ZNF215: variants seen among roughly 807,000 people sequenced by gnomAD.
ZNF215 encodes the protein BWSCR2-associated zinc finger protein 2.
Under a neutral mutation model 27.2 loss-of-function variants are expected in ZNF215, and 24 were observed. That is an observed-to-expected ratio of 0.88 (90% CI 0.64 to 1.24). The LOEUF (loss-of-function observed/expected upper bound fraction) is 1.24, where lower values mean the gene tolerates loss of function less well. Among genes scored for constraint, ZNF215 ranks in the 50% most tolerant of loss-of-function variants. The probability of loss-of-function intolerance (pLI) is 0.00; values close to 1 mark genes in which losing one functional copy is unlikely to be tolerated. For synonymous variants in ZNF215, 210 were observed against 204.0 expected (o/e 1.03, Z -0.25); for missense variants, 675 against 605.7 (o/e 1.11, Z -1.20).
downstream of ZNF215, among the ~76,000 whole-genome samples, chr11:6,989,150 C>CAAAAAAAAAAAA (rs71056776): frequency 1.3e-5 from 1 of 76,784 alleles, no homozygotes; most frequent in Non-Finnish European, 2.5e-5. Context: ...AGATCCGTCT[C>CAAAAAAAAAAAA]AAAAAAAAAA....
At chr11:6,954,116 C>T (rs547902987) in intron 6 of ZNF215, among the ~76,000 whole-genome samples, 109 of 152,248 alleles carry the variant, frequency 7.2e-4, no homozygotes, top group Non-Finnish European at 1.0e-3. Flanking sequence ...GAGGAATACC[C>T]GGCCGTGTGA....
At position 6,956,212 on chromosome 11, in the gene ZNF215, G is replaced by A. The variant is rs377277042; in HGVS notation, c.1235G>A (p.Cys412Tyr). 1.9e-6 allele frequency: 3 copies of A among 1,613,114 alleles called. No individual in the cohort carries two copies. Among genetic ancestry groups the A allele is most frequent in the African/African-American group, 2.7e-5 (2 of 74,914 alleles). ...GAGAAACCCTATAAATGCAGTGAAT[G>A]TGGGAGATTCTTCAACCGACGTACA... is the stretch of plus-strand genomic sequence containing the variant. ...TGEKPYKCSECGRFFNRRTNL... is the reference protein window; with the variant it reads ...TGEKPYKCSEYGRFFNRRTNL... Residue 412 changes from cysteine (C) to tyrosine (Y), a missense_variant, in exon 7 of 7, where the codon TGT becomes TAT. By Grantham distance (194) the Cys-to-Tyr change is radical (BLOSUM62 -2). Coordinates refer to ENST00000278319, the MANE Select transcript of ZNF215 (RefSeq NM_013250.4).
chr11:6,953,264 G>GGA (rs1850159017), intron 6 of ZNF215, among the ~76,000 whole-genome samples: 1 of 152,110 alleles, frequency 6.6e-6, no homozygotes, highest in East Asian at 1.9e-4. Flanking sequence ...TGTATTTCCT[G>GGA]AATCTGAATG....
At chr11:6,955,656 C>T (rs1281095255) in intron 6 of ZNF215, 34 bp from the exon 7 acceptor site, 2 of 1,523,938 alleles carry the variant, frequency 1.3e-6, no homozygotes, top group African/African-American at 1.4e-5. Context: ...AGCAGTTTCC[C>T]TTCTAGTTCA....
rs1850430168 is a variant in ZNF215, at chr11:6,957,932, C to T, written c.*1401C>T. 1 of 985,424 alleles carries T rather than the reference C, an allele frequency of 1.0e-6. No individual in the cohort carries two copies. Among genetic ancestry groups the T allele is most frequent in the African/African-American group, 1.7e-5 (1 of 57,358 alleles). 61.0% of individuals were successfully genotyped at this position (985,424 alleles called of 1,614,324 possible). A position where few individuals can be genotyped will look rare whatever the true frequency, so the allele number is the denominator to read the frequency against. On this transcript the variant is annotated 3_prime_UTR_variant, in exon 7 of 7. Transcript: ENST00000278319. The stretch of plus-strand genomic sequence containing the variant: ...CTTAATCTGCCCCAAAAAATTCACA[C>T]TGGAGACATTCCCAATTAATGATGA...
At chr11:6,953,767 G>A (rs759687582) in intron 6 of ZNF215, among the ~76,000 whole-genome samples, 6 of 152,226 alleles carry the variant, frequency 3.9e-5, no homozygotes, top group South Asian at 2.1e-4. Flanking sequence ...GCTTTGTTCC[G>A]TTGCTTGTGA....
chr11:6,938,506 C>T (rs1485754193), intron 3 of ZNF215, among the ~76,000 whole-genome samples: 1 of 151,812 alleles, frequency 6.6e-6, no homozygotes, highest in Admixed American at 6.6e-5. Context: ...TGGAAACAAC[C>T]CAGATGTCCA....
chr11:6,944,868 A>G (rs1849762100), intron 6 of ZNF215, among the ~76,000 whole-genome samples: 1 of 152,136 alleles, frequency 6.6e-6, no homozygotes, highest in African/African-American at 2.4e-5. Context: ...CTATTTCACT[A>G]ATTTTGAAAA....
chr11:6,952,524 A>G (rs1564960623), intron 6 of ZNF215, among the ~76,000 whole-genome samples: 1 of 152,096 alleles, frequency 6.6e-6, no homozygotes, highest in Non-Finnish European at 1.5e-5. Context: ...TTGTTGGTTT[A>G]AAGTCTGTTT....
At chr11:6,948,478 T>C (rs917547069) in intron 6 of ZNF215, among the ~76,000 whole-genome samples, 1 of 152,116 alleles carries the variant, frequency 6.6e-6, no homozygotes, top group Non-Finnish European at 1.5e-5. Context: ...TGTTTTTTTA[T>C]GGACTCCAGT....
At chr11:6,955,451 T>G (rs1420517460) in intron 6 of ZNF215, among the ~76,000 whole-genome samples, 1 of 152,226 alleles carries the variant, frequency 6.6e-6, no homozygotes, top group Admixed American at 6.5e-5. Context: ...GATATTTTAC[T>G]CGAGCCCTAT....
intron 6 of ZNF215, among the ~76,000 whole-genome samples, chr11:6,994,282 A>G (rs191870514): frequency 1.3e-5 from 2 of 152,116 alleles, no homozygotes; most frequent in East Asian, 3.9e-4. Flanking sequence ...TGTTGTGATA[A>G]GAAGCTCATA....
chr11:6,954,704 C>T (rs558835773), intron 6 of ZNF215, among the ~76,000 whole-genome samples: 11 of 152,324 alleles, frequency 7.2e-5, no homozygotes, highest in East Asian at 3.9e-4. Context: ...AGCAATGCCT[C>T]GCCCTGCTTC....
chr11:6,974,223 C>T (rs1178036578), intron 5 of ZNF215, among the ~76,000 whole-genome samples: 2 of 152,044 alleles, frequency 1.3e-5, no homozygotes, highest in African/African-American at 4.8e-5. Context: ...GGTATTATTT[C>T]TGAGGGCTCT....
chr11:6,970,966 G>A (rs1488369441), intron 5 of ZNF215, among the ~76,000 whole-genome samples: 1 of 152,094 alleles, frequency 6.6e-6, no homozygotes, highest in Non-Finnish European at 1.5e-5. Context: ...GCAAGTGATT[G>A]GTAGAACAAT....
intron 2 of ZNF215, among the ~76,000 whole-genome samples, chr11:6,928,750 A>T (rs2133132113): frequency 6.6e-6 from 1 of 151,970 alleles, no homozygotes; most frequent in East Asian, 1.9e-4. Context: ...CATTTATGTT[A>T]CTTTCAAAGT....
At chr11:6,965,503 C>G (rs1288334399) in intron 5 of ZNF215, among the ~76,000 whole-genome samples, 1 of 151,964 alleles carries the variant, frequency 6.6e-6, no homozygotes, top group Non-Finnish European at 1.5e-5. Context: ...ATCTAAAGAT[C>G]AATTTTGGGA....
At position 6,957,748 on chromosome 11, in the gene ZNF215, C is replaced by G. The variant is rs1290852300; in HGVS notation, c.*1217C>G. On this transcript the variant is annotated 3_prime_UTR_variant, in exon 7 of 7. Coordinates refer to ENST00000278319, the MANE Select transcript of ZNF215 (RefSeq NM_013250.4). ...GATGTTCAGTGCAGACTTACTGTACCTTTGGGAATTTAGGCTGGAGAGACG... is the reference window on the plus strand; with the variant it reads ...GATGTTCAGTGCAGACTTACTGTACGTTTGGGAATTTAGGCTGGAGAGACG... 1.0e-6 allele frequency: 1 copy of G among 985,232 alleles called. No homozygotes were observed. Among genetic ancestry groups the G allele is most frequent in the Non-Finnish European group, 1.2e-6 (1 of 829,908 alleles). The allele number at this position is 985,232 out of a possible 1,614,324, so 61.0% of individuals were successfully genotyped here. A position where few individuals can be genotyped will look rare whatever the true frequency, so the allele number is the denominator to read the frequency against.
downstream of ZNF215, among the ~76,000 whole-genome samples, chr11:6,986,330 A>G (rs1334869501): frequency 1.3e-5 from 2 of 152,186 alleles, no homozygotes; most frequent in African/African-American, 4.8e-5. Context: ...AGTCATATGC[A>G]AAAAAATGAA....
Sources: gnomAD v4.1 joint callset for allele counts (sites outside exome capture counted in the v4.1 genomes callset) on GRCh38, gnomAD v4.1.1 for gene constraint, MANE v1.5 for transcripts, NCBI Gene and HGNC (gene_info 2026-07-23, HGNC 2026-07-21) for gene names.